The following NLRP7 variants were observed in gnomAD, a reference collection of about 807,000 sequenced individuals.
NLRP7 encodes the protein NACHT, LRR and PYD domains-containing protein 7.
NLRP7 carries 72 observed loss-of-function variants against 85.5 expected under a neutral mutation model. The ratio of observed to expected loss-of-function variants is 0.84; its 90% CI spans 0.70 to 1.02. The LOEUF is 1.02. Ranked by LOEUF, NLRP7 falls within the 50% of genes least tolerant of loss-of-function variation. The pLI is 0.00. For synonymous variants in NLRP7, 550 were observed against 505.2 expected, an observed-to-expected ratio of 1.09 and a Z score of -1.19; for missense variants, 1,243 against 1,219.5, an observed-to-expected ratio of 1.02 and a Z score of -0.29.
Position 54,961,335 on chromosome 19 carries a change from A to G in NLRP7, c.-77+4705T>C, listed in dbSNP as rs187616331. On this transcript the variant is annotated intron_variant, in intron 1 of 2. Transcript: ENST00000587103. ...AGACCAGCCCGGCCAAGGTGGTGAA[A>G]CCCCGTGTCTACTAAAAATACAAAA... 1.6e-4 allele frequency among the ~76,000 whole-genome samples: 25 copies of G among 151,764 alleles called. No individual in the cohort carries two copies. In the East Asian group the frequency reaches 4.5e-3, roughly 27 times the overall value.
At position 54,923,880 on chromosome 19, in the gene NLRP7, G is replaced by A; in HGVS notation, c.2811-8C>T. The A allele has an allele frequency of 6.2e-7, 1 of 1,612,196 alleles. No individual in the cohort carries two copies. The highest frequency in any genetic ancestry group is 8.5e-7 in the Non-Finnish European group (1 of 1,179,450). ...GTTTCATAGGTCTTCAACCTGGAGG[G>A]ATCAGAGAACACAAATGTTCCCAGA... On this transcript the variant is annotated splice_polypyrimidine_tract_variant and splice_region_variant and intron_variant, in intron 9 of 9. Coordinates refer to ENST00000340844, the Ensembl canonical transcript of NLRP7.
chr19:54,936,171 T>C, intron 6 of NLRP7, 90 bp downstream of exon 6: 1 of 1,150,678 alleles, frequency 8.7e-7, no homozygotes, highest in Non-Finnish European at 1.3e-6. Context: ...TGGGACGGCA[T>C]CTGGAGTGGT....
upstream of NLRP7, chr19:54,947,889 TAAAA>T (rs151055964): frequency 1.6e-5 from 4 of 249,110 alleles, no homozygotes; most frequent in Admixed American, 5.0e-5. Context: ...AAATAAAAAT[TAAAA>T]AAAAAGAGGA....
At chr19:54,943,945 G>A (rs1043275816) in intron 1 of NLRP7, among the ~76,000 whole-genome samples, 3 of 152,110 alleles carry the variant, frequency 2.0e-5, no homozygotes, top group Non-Finnish European at 2.9e-5. Context: ...TTGTTAAACA[G>A]ATGCTTGAAG....
At chr19:54,940,838 A>G in intron 3 of NLRP7, 93 bp downstream of exon 3, 1 of 899,004 alleles carries the variant, frequency 1.1e-6, no homozygotes, top group South Asian at 1.3e-5. Context: ...AAAAAAAAAA[A>G]AACTACCAGA....
chr19:54,930,619 T>C (rs780748394), exon 9 of NLRP7: 11 of 1,613,054 alleles, frequency 6.8e-6, no homozygotes, highest in Non-Finnish European at 9.3e-6. Flanking sequence ...TTGGAGCGCC[T>C]CTGAGAGATA....
At chr19:54,951,811 C>T (rs965877933), upstream of NLRP7, among the ~76,000 whole-genome samples, 6 of 151,112 alleles carry the variant, frequency 4.0e-5, no homozygotes, top group Admixed American at 2.0e-4. Context: ...AGGGCAGTGG[C>T]GCAATCTCTG....
rs1379318320 is a variant in NLRP7 at position 54,934,183 on chromosome 19, TC to T, written c.2471+305del. Among the ~76,000 whole-genome samples, 1 of 152,050 alleles carries T rather than the reference TC, an allele frequency of 6.6e-6. No individual in the cohort carries two copies. Among genetic ancestry groups the T allele is most frequent in the African/African-American group, 2.4e-5 (1 of 41,394 alleles). On this transcript the variant is annotated intron_variant, in intron 7 of 9. Transcript: ENST00000340844. The surrounding 1 kb of genome is among the most constrained non-coding windows in gnomAD (Gnocchi z 6.7). The stretch of plus-strand genomic sequence containing the variant: ...GTCTCGATCTCTTGACCTCGTGATC[TC>T]CCCGCCTTGGCCTCCCAACGTGCTG...
chr19:54,963,097 TTAA>T (rs2070117351), intron 1 of NLRP7, among the ~76,000 whole-genome samples: 1 of 152,228 alleles, frequency 6.6e-6, no homozygotes, highest in South Asian at 2.1e-4. Context: ...TTTAGAGGAC[TTAA>T]TAAGTAAACA....
chr19:54,924,523 C>G (rs1406538383), intron 9 of NLRP7, among the ~76,000 whole-genome samples: 1 of 152,032 alleles, frequency 6.6e-6, no homozygotes, highest in Non-Finnish European at 1.5e-5. Context: ...ACTCGGGAGG[C>G]GGAGGCAAGA....
chr19:54,943,883 C>T (rs1489035179), intron 1 of NLRP7, among the ~76,000 whole-genome samples: 1 of 152,106 alleles, frequency 6.6e-6, no homozygotes, highest in Non-Finnish European at 1.5e-5. Flanking sequence ...CCCTGTGCTC[C>T]CAGAAACATG....
At chr19:54,950,851 C>T (rs553295140), upstream of NLRP7, among the ~76,000 whole-genome samples, 6 of 152,270 alleles carry the variant, frequency 3.9e-5, no homozygotes, top group East Asian at 1.2e-3. Context: ...GGCTGAGGGA[C>T]GGTCAGGTCT....
chr19:54,930,376 C>T lies in NLRP7; in HGVS notation c.2810+123G>A, dbSNP rs647845. The T allele has an allele frequency of 0.57, 404,047 of 706,770 alleles. 116,866 individuals are homozygous for T. The highest frequency in any genetic ancestry group is 0.72 in the East Asian group (26,613 of 37,014). 43.8% of individuals were successfully genotyped at this position (706,770 alleles called of 1,614,324 possible). ...ACTCAGGAGGCTGAGGTGGGAGAAC[C>T]GATCAAGCCTGGAAGACCGAAGCCG... On this transcript the variant is annotated intron_variant, in intron 9 of 9. Transcript: ENST00000340844.
intron 1 of NLRP7, among the ~76,000 whole-genome samples, chr19:54,963,647 A>G (rs2070150101): frequency 6.6e-6 from 1 of 151,950 alleles, no homozygotes; most frequent in Admixed American, 6.6e-5. Context: ...AACATGGTGA[A>G]ACCCCATCTC....
At chr19:54,925,746 C>T (rs2068403590) in intron 9 of NLRP7, among the ~76,000 whole-genome samples, 1 of 152,124 alleles carries the variant, frequency 6.6e-6, no homozygotes, top group South Asian at 2.1e-4. Context: ...CGCCTGTAAT[C>T]CCAGCACTTT....
intron 6 of NLRP7, among the ~76,000 whole-genome samples, chr19:54,935,731 A>G (rs2068891699): frequency 1.3e-5 from 2 of 151,878 alleles, no homozygotes; most frequent in African/African-American, 4.8e-5. Context: ...TTGAGTGCAG[A>G]GAAGGTTGCA....
chr19:54,935,222 A>AG (rs1556727761), intron 6 of NLRP7, among the ~76,000 whole-genome samples: 1 of 142,224 alleles, frequency 7.0e-6, no homozygotes, highest in Non-Finnish European at 1.6e-5. Flanking sequence ...ATGATTTTGC[A>AG]GGGGGGAAAA....
intron 1 of NLRP7, among the ~76,000 whole-genome samples, chr19:54,943,745 AAGG>A (rs1335879259): frequency 6.6e-6 from 1 of 152,186 alleles, no homozygotes; most frequent in African/African-American, 2.4e-5. Context: ...GTGTGGGGAA[AAGG>A]AGGACAGATC....
rs1186087981 is a variant in NLRP7 at position 54,934,128 on chromosome 19, A to G, written c.2471+361T>C. ...GATAATTTTTTGTATTTTTTAGTAG[A>G]GACGGGGTTTCACCATGTTAGCCAG... On this transcript the variant is annotated intron_variant, in intron 7 of 9. Coordinates refer to ENST00000340844, the Ensembl canonical transcript of NLRP7. This position sits in a 1 kb window ranked among gnomAD's most constrained non-coding sequence, Gnocchi z 6.7. Among the ~76,000 whole-genome samples, 1 of 152,120 alleles carries G rather than the reference A, an allele frequency of 6.6e-6. No homozygotes were observed. Among genetic ancestry groups the G allele is most frequent in the East Asian group, 1.9e-4 (1 of 5,196 alleles).
Sources: allele counts gnomAD v4.1 joint callset (sites outside exome capture counted in the v4.1 genomes callset), GRCh38; gene constraint gnomAD v4.1.1; non-coding constraint Gnocchi (gnomAD v3.1); transcripts MANE v1.5; gene names NCBI Gene and HGNC (gene_info 2026-07-23, HGNC 2026-07-21).